Variants in TBL1X observed in about 807,000 individuals in gnomAD.
The protein encoded by TBL1X is transducin beta like 1 X-linked, also known as F-box-like/WD repeat-containing protein TBL1X.
In TBL1X, 10 loss-of-function variants were observed where a neutral mutation model predicts 50.7. The observed-to-expected ratio is 0.20, with a 90% CI of 0.12 to 0.33. The LOEUF (loss-of-function observed/expected upper bound fraction) is 0.33, where lower values mean the gene tolerates loss of function less well. TBL1X is among the 10% of genes least tolerant of loss of function. TBL1X has a pLI of 1.00. For missense variants in TBL1X, 340 were observed against 504.4 expected (o/e 0.67, Z 3.12); for synonymous variants, 190 against 214.7 (o/e 0.88, Z 1.01).
At chrX:9,629,317 T>A (rs958433566) in intron 2 of TBL1X, among the ~76,000 whole-genome samples, 2 of 112,636 alleles carry the variant, frequency 1.8e-5, no homozygotes, top group Admixed American at 1.9e-4. Flanking sequence ...TGCCAGTGGC[T>A]TCCAGGTACA....
chrX:9,688,171 C>T lies in TBL1X; in HGVS notation c.512C>T (p.Ala171Val). 1 of 1,197,000 alleles carries T rather than the reference C, an allele frequency of 8.4e-7. No individual in the cohort carries two copies. The highest frequency in any genetic ancestry group is 3.0e-5 in the East Asian group (1 of 32,977). ...AAAAAAAATA[A>V]ATAATTTSAG... ...GCGGCGGCGGCTGCGGCCACGGCAG[C>T]AGCGACAGCAGCCACCACGACCTCA... Residue 171 changes from alanine (A) to valine (V), a missense_variant, in exon 7 of 18, where the codon GCA becomes GTA. Ala to Val is a moderately conservative substitution (Grantham distance 64). Transcript: ENST00000645353.
intron 2 of TBL1X, among the ~76,000 whole-genome samples, chrX:9,536,450 C>A (rs2082188373): frequency 9.1e-6 from 1 of 110,376 alleles, no homozygotes; most frequent in Non-Finnish European, 1.9e-5. Flanking sequence ...TGAGGTTTCA[C>A]CATGTGGGCC....
intron 2 of TBL1X, among the ~76,000 whole-genome samples, chrX:9,556,737 GT>G (rs1367392117): frequency 2.7e-5 from 3 of 110,567 alleles, no homozygotes; most frequent in African/African-American, 9.8e-5. Context: ...CATCTACAGG[GT>G]GGTGGTATTT....
chrX:9,470,253 A>G (rs748801858), intron 1 of TBL1X, among the ~76,000 whole-genome samples: 2 of 112,624 alleles, frequency 1.8e-5, no homozygotes, highest in East Asian at 5.6e-4. Context: ...CAATCCAATT[A>G]TACTCTTTTA....
chrX:9,544,254 T>C (rs971328743), intron 2 of TBL1X, among the ~76,000 whole-genome samples: 122 of 112,434 alleles, frequency 1.1e-3, no homozygotes, highest in African/African-American at 3.8e-3. Context: ...TGAGGTGTCC[T>C]AGTGGAAGAG....
At chrX:9,564,571 A>T (rs368893371) in intron 2 of TBL1X, among the ~76,000 whole-genome samples, 43 of 110,260 alleles carry the variant, frequency 3.9e-4, no homozygotes, top group African/African-American at 1.3e-3. Context: ...CGTCTCTACT[A>T]AAAATACAAA....
intron 1 of TBL1X, among the ~76,000 whole-genome samples, chrX:9,477,591 G>T (rs2081856343): frequency 8.9e-6 from 1 of 112,061 alleles, no homozygotes; most frequent in Non-Finnish European, 1.9e-5. Context: ...TTGCCAAGAC[G>T]TCAGCTTTAA....
intron 1 of TBL1X, among the ~76,000 whole-genome samples, chrX:9,467,901 AAG>A (rs1313289386): frequency 8.9e-6 from 1 of 112,259 alleles, no homozygotes; most frequent in Non-Finnish European, 1.9e-5. Context: ...CCAGGGGAGA[AAG>A]ACAGCCGTTA....
chrX:9,666,537 T>G (rs1380685331), intron 5 of TBL1X, among the ~76,000 whole-genome samples: 3 of 112,414 alleles, frequency 2.7e-5, no homozygotes, highest in Non-Finnish European at 5.6e-5. Flanking sequence ...TAAAGTAAAA[T>G]GTCTTCAACA....
intron 2 of TBL1X, among the ~76,000 whole-genome samples, chrX:9,611,010 A>G (rs1246968540): frequency 9.0e-6 from 1 of 111,498 alleles, no homozygotes; most frequent in Non-Finnish European, 1.9e-5. Context: ...AAATGGCCAT[A>G]TTTCTCTAAC....
intron 2 of TBL1X, among the ~76,000 whole-genome samples, chrX:9,576,422 G>A (rs1050607645): frequency 4.4e-5 from 5 of 112,394 alleles, no homozygotes; most frequent in East Asian, 2.8e-4. Flanking sequence ...ATGCGCTAAC[G>A]CATATCATTG....
intron 2 of TBL1X, among the ~76,000 whole-genome samples, chrX:9,628,508 A>G (rs1442850171): frequency 9.0e-6 from 1 of 111,663 alleles, no homozygotes; most frequent in Non-Finnish European, 1.9e-5. Flanking sequence ...ACAGCTTCAC[A>G]TATTGAAGAC....
In TBL1X at chrX:9,519,802, C is replaced by T. The variant is rs755293408; in HGVS notation, c.-131+17953C>T. ...TGGCAAGGAGAGGGGGTTGGAGGAA[C>T]GGGGATAAAAATTAGCTAGAATTCA... is the stretch of plus-strand genomic sequence containing the variant. On this transcript the variant is annotated intron_variant, in intron 2 of 17. Coordinates refer to ENST00000645353, the MANE Select transcript of TBL1X (RefSeq NM_005647.4). Among the ~76,000 whole-genome samples the T allele has an allele frequency of 2.0e-3, 224 of 111,494 alleles. 1 individual carries two copies. The highest frequency in any genetic ancestry group is 9.2e-3 in the Middle Eastern group (2 of 218).
chrX:9,654,237 C>T lies in TBL1X; in HGVS notation c.126C>T (p.Asn42=), dbSNP rs142075238. 1.2e-4 allele frequency: 140 copies of T among 1,208,265 alleles called. No homozygotes were observed. Among genetic ancestry groups the T allele is most frequent in the Non-Finnish European group, 1.5e-4 (135 of 894,926 alleles). ...RGREGGSHFI[N]TSSPRGEAKM... is the part of the protein sequence containing the mutation. ...CAGAGGGTGGTTCCCACTTCATCAACACCTCATCGCCGCGAGGTGAGGCTA... is the reference window on the plus strand; with the variant it reads ...CAGAGGGTGGTTCCCACTTCATCAATACCTCATCGCCGCGAGGTGAGGCTA... The change falls in exon 5 of 18, where the codon AAC becomes AAT. Residue 42 remains asparagine (N), a synonymous_variant. Transcript: ENST00000645353.
intron 5 of TBL1X, among the ~76,000 whole-genome samples, chrX:9,665,098 G>T (rs1408198817): frequency 9.1e-6 from 1 of 109,320 alleles, no homozygotes; most frequent in Non-Finnish European, 1.9e-5. Flanking sequence ...TGTTCTCCTT[G>T]GGCTTCATTT....
chrX:9,480,306 T>A (rs1212690439), intron 1 of TBL1X, among the ~76,000 whole-genome samples: 1 of 111,918 alleles, frequency 8.9e-6, no homozygotes, highest in Non-Finnish European at 1.9e-5. Context: ...GGAATATGGT[T>A]TTTGTAAAAG....
At chrX:9,663,779 AAGG>A (rs2082912041) in intron 5 of TBL1X, among the ~76,000 whole-genome samples, 2 of 108,607 alleles carry the variant, frequency 1.8e-5, no homozygotes, top group East Asian at 5.7e-4. Context: ...AAAAAAAAAA[AAGG>A]AAGAAGATTG....
intron 2 of TBL1X, among the ~76,000 whole-genome samples, chrX:9,518,591 G>A (rs1461224040): frequency 6.3e-5 from 7 of 111,813 alleles, no homozygotes; most frequent in Non-Finnish European, 5.6e-5. Flanking sequence ...TCCTATAACA[G>A]CTGCGACCAG....
intron 2 of TBL1X, among the ~76,000 whole-genome samples, chrX:9,580,989 C>G (rs1257191379): frequency 9.0e-6 from 1 of 111,667 alleles, no homozygotes; most frequent in Non-Finnish European, 1.9e-5. Flanking sequence ...ATGGCCTGGT[C>G]CGTCTTTCAG....
Sources: allele counts gnomAD v4.1 joint callset (sites outside exome capture counted in the v4.1 genomes callset), GRCh38; gene constraint gnomAD v4.1.1; transcripts MANE v1.5; gene names NCBI Gene and HGNC (gene_info 2026-07-23, HGNC 2026-07-21).